ESRRG: variants seen among roughly 807,000 people sequenced by gnomAD.
ESRRG encodes estrogen related receptor gamma, also known as estrogen-related receptor gamma.
A neutral mutation model predicts 44.0 loss-of-function variants in ESRRG; 13 were observed. The observed-to-expected ratio is 0.30, with a 90% confidence interval of 0.19 to 0.47. The LOEUF (loss-of-function observed/expected upper bound fraction) is 0.47. Ranked by LOEUF, ESRRG falls within the 20% of genes least tolerant of loss-of-function variation. ESRRG has a pLI of 1.00. For synonymous variants in ESRRG, 215 were observed against 214.6 expected (o/e 1.00, Z -0.02); for missense variants, 395 against 580.6 (o/e 0.68, Z 3.29).
At chr1:216,627,949 G>T (rs1282439014) in intron 3 of ESRRG, among the ~76,000 whole-genome samples, 1 of 152,082 alleles carries the variant, frequency 6.6e-6, no homozygotes, top group Non-Finnish European at 1.5e-5. Context: ...CATCACAAAG[G>T]CATGGGTATG....
At chr1:216,747,632 CACTT>C (rs1276464246) in intron 2 of ESRRG, among the ~76,000 whole-genome samples, 18 of 152,140 alleles carry the variant, frequency 1.2e-4, no homozygotes, top group Non-Finnish European at 2.2e-4. Context: ...AATCCATAAA[CACTT>C]AATACCAAAA....
At chr1:216,608,618 C>T (rs2060231018) in intron 3 of ESRRG, among the ~76,000 whole-genome samples, 1 of 152,190 alleles carries the variant, frequency 6.6e-6, no homozygotes, top group Non-Finnish European at 1.5e-5. Context: ...AGCCCAGACA[C>T]TGAACTCAGA....
intron 2 of ESRRG, among the ~76,000 whole-genome samples, chr1:216,835,886 C>G (rs2095557042): frequency 6.6e-6 from 1 of 152,016 alleles, no homozygotes; most frequent in Non-Finnish European, 1.5e-5. Context: ...GAGAACAAAA[C>G]CGCTTGATTT....
At chr1:216,986,046 C>T (rs974742340) in intron 1 of ESRRG, among the ~76,000 whole-genome samples, 1 of 152,134 alleles carries the variant, frequency 6.6e-6, no homozygotes, top group Non-Finnish European at 1.5e-5. Flanking sequence ...TCTCAAGGCC[C>T]TGTGTACACA....
chr1:216,740,905 T>C (rs1338132465), intron 2 of ESRRG, among the ~76,000 whole-genome samples: 1 of 151,502 alleles, frequency 6.6e-6, no homozygotes, highest in Non-Finnish European at 1.5e-5. Context: ...GGATTATATA[T>C]ACATATTGAC....
chr1:216,634,200 C>T (rs1262855413), intron 3 of ESRRG, among the ~76,000 whole-genome samples: 1 of 152,164 alleles, frequency 6.6e-6, no homozygotes, highest in Non-Finnish European at 1.5e-5. Context: ...TCCAAATGTA[C>T]AAGCTTCGGG....
intron 1 of ESRRG, among the ~76,000 whole-genome samples, chr1:216,998,876 C>A (rs1041550448): frequency 6.6e-6 from 1 of 152,166 alleles, no homozygotes; most frequent in Non-Finnish European, 1.5e-5. Context: ...GTGATGTCCA[C>A]CCTTTGAATG....
In ESRRG at chr1:216,561,817, G is replaced by A. The variant is rs544225894; in HGVS notation, c.862+2402C>T. 2.2e-4 allele frequency among the ~76,000 whole-genome samples: 33 copies of A among 152,202 alleles called. No individual in the cohort carries two copies. In the South Asian group the frequency reaches 6.8e-3, roughly 32 times the overall value. The stretch of plus-strand genomic sequence containing the variant: ...CAGGTATCACGAAAATCAGAGCTGT[G>A]AATCACTACTCCACAGTGAACTCTT... On this transcript the variant is annotated intron_variant, in intron 5 of 6. Coordinates refer to ENST00000408911, the MANE Select transcript of ESRRG (RefSeq NM_001438.4).
At chr1:216,766,710 A>G (rs1290202547) in intron 2 of ESRRG, among the ~76,000 whole-genome samples, 1 of 152,106 alleles carries the variant, frequency 6.6e-6, no homozygotes, top group Admixed American at 6.6e-5. Flanking sequence ...TTTTTATCAG[A>G]AGTTACACCA....
At chr1:216,561,621 G>A (rs1178826304) in intron 5 of ESRRG, among the ~76,000 whole-genome samples, 1 of 152,064 alleles carries the variant, frequency 6.6e-6, no homozygotes, top group African/African-American at 2.4e-5. Flanking sequence ...CCAACCTCCT[G>A]AACCCAGGGT....
At chr1:217,095,923 C>T (rs2092416626) in intron 1 of ESRRG, among the ~76,000 whole-genome samples, 1 of 152,126 alleles carries the variant, frequency 6.6e-6, no homozygotes, top group African/African-American at 2.4e-5. Context: ...TTAAAGAAGA[C>T]ATTTATGGCT....
chr1:216,837,010 G>C (rs1041407286), intron 2 of ESRRG, among the ~76,000 whole-genome samples: 7 of 152,060 alleles, frequency 4.6e-5, no homozygotes, highest in African/African-American at 1.5e-4. Context: ...TTTAGTACTG[G>C]ACGGATCAAA....
intron 5 of ESRRG, among the ~76,000 whole-genome samples, chr1:216,550,197 T>C (rs1437032157): frequency 1.3e-5 from 2 of 152,188 alleles, no homozygotes; most frequent in Non-Finnish European, 2.9e-5. Flanking sequence ...TTTGTGTAAT[T>C]ACGTCCATCT....
At chr1:216,661,810 T>A (rs545404904) in intron 2 of ESRRG, among the ~76,000 whole-genome samples, 28 of 152,302 alleles carry the variant, frequency 1.8e-4, no homozygotes, top group African/African-American at 6.7e-4. Context: ...ATCTGCATCC[T>A]CTAAAATTAA....
At chr1:217,099,311 G>T (rs1175843814) in intron 1 of ESRRG, among the ~76,000 whole-genome samples, 1 of 151,470 alleles carries the variant, frequency 6.6e-6, no homozygotes, top group Non-Finnish European at 1.5e-5. Flanking sequence ...CTAATGAAGT[G>T]GATATTATTC....
At chr1:216,587,655 A>C (rs1488246982) in intron 3 of ESRRG, among the ~76,000 whole-genome samples, 1 of 152,232 alleles carries the variant, frequency 6.6e-6, no homozygotes, top group Non-Finnish European at 1.5e-5. Context: ...ATTTATGCTC[A>C]GAATTTTTTT....
intron 1 of ESRRG, among the ~76,000 whole-genome samples, chr1:216,702,650 G>A (rs2081615043): frequency 6.7e-6 from 1 of 149,790 alleles, no homozygotes; most frequent in African/African-American, 2.5e-5. Flanking sequence ...GGTGGCATAT[G>A]CCTGTAATCC....
chr1:216,971,490 T>C (rs2071650806), intron 1 of ESRRG, among the ~76,000 whole-genome samples: 1 of 152,172 alleles, frequency 6.6e-6, no homozygotes, highest in Non-Finnish European at 1.5e-5. Context: ...CCCTCTCTGA[T>C]ATAAAACAGA....
intron 2 of ESRRG, among the ~76,000 whole-genome samples, chr1:216,761,514 C>T (rs2092772273): frequency 6.6e-6 from 1 of 152,116 alleles, no homozygotes; most frequent in African/African-American, 2.4e-5. Flanking sequence ...CAACAAATCT[C>T]AAATCAGAGT....
Sources: allele counts gnomAD v4.1 joint callset (sites outside exome capture counted in the v4.1 genomes callset), GRCh38; gene constraint gnomAD v4.1.1; transcripts MANE v1.5; gene names NCBI Gene and HGNC (gene_info 2026-07-23, HGNC 2026-07-21).